The following DDAH1 variants were observed in gnomAD, a reference collection of about 807,000 sequenced individuals.
The protein encoded by DDAH1 is N(G),N(G)-dimethylarginine dimethylaminohydrolase 1.
Under a neutral mutation model 28.8 loss-of-function variants are expected in DDAH1, and 19 were observed. The ratio of observed to expected loss-of-function variants is 0.66; its 90% confidence interval spans 0.46 to 0.97. DDAH1 has a LOEUF of 0.97. Ranked by LOEUF, DDAH1 falls within the 50% of genes least tolerant of loss-of-function variation. The pLI, the probability that DDAH1 is intolerant of heterozygous loss-of-function variation, is 0.00. For missense variants in DDAH1, 326 were observed against 375.9 expected, an observed-to-expected ratio of 0.87 and a Z score of 1.10; for synonymous variants, 153 against 154.4, an observed-to-expected ratio of 0.99 and a Z score of 0.07.
intron 2 of DDAH1, among the ~76,000 whole-genome samples, chr1:85,483,343 G>A (rs72724665): frequency 0.011 from 1,614 of 152,046 alleles, 10 homozygotes; most frequent in Non-Finnish European, 0.016. Context: ...AGGATGTTAC[G>A]TTGTAAAGTC....
intron 2 of DDAH1, among the ~76,000 whole-genome samples, chr1:85,483,514 T>C (rs1656082984): frequency 6.6e-6 from 1 of 152,220 alleles, no homozygotes; most frequent in Non-Finnish European, 1.5e-5. Flanking sequence ...TATTTGATGC[T>C]AGATGTGACA....
intron 1 of DDAH1, among the ~76,000 whole-genome samples, chr1:85,414,775 G>C (rs1243693000): frequency 6.6e-6 from 1 of 152,034 alleles, no homozygotes; most frequent in African/African-American, 2.4e-5. Flanking sequence ...GTGGAGGAGA[G>C]ACTCAAAGAC....
At chr1:85,505,537 C>T (rs936118213) in intron 1 of DDAH1, among the ~76,000 whole-genome samples, 3 of 152,062 alleles carry the variant, frequency 2.0e-5, no homozygotes, top group South Asian at 4.1e-4. Context: ...ATTGATGTCC[C>T]GAGGAGAGAA....
At chr1:85,321,637 C>T in intron 5 of DDAH1, 69 bp from the exon 6 acceptor site, 3 of 1,237,258 alleles carry the variant, frequency 2.4e-6, no homozygotes, top group Non-Finnish European at 2.4e-6. Context: ...AGTGGAGAAT[C>T]AATTTGATTT....
At chr1:85,392,782 ACT>A (rs1203041445) in intron 1 of DDAH1, among the ~76,000 whole-genome samples, 1 of 130,698 alleles carries the variant, frequency 7.7e-6, no homozygotes, top group East Asian at 2.2e-4. Flanking sequence ...ACAGAGCAAG[ACT>A]CTGTCTAAAA....
chr1:85,400,623 G>A (rs1321748215), intron 1 of DDAH1, among the ~76,000 whole-genome samples: 3 of 152,000 alleles, frequency 2.0e-5, no homozygotes, highest in Admixed American at 6.6e-5. Flanking sequence ...ATATCATTAC[G>A]CACTGTCCAC....
At chr1:85,448,623 T>C (rs192930709) in intron 1 of DDAH1, among the ~76,000 whole-genome samples, 310 of 152,284 alleles carry the variant, frequency 2.0e-3, no homozygotes, top group Non-Finnish European at 3.2e-3. Flanking sequence ...TTCAGGACAC[T>C]CCAGTGACTC....
chr1:85,514,015 A>C (rs1242547336), intron 1 of DDAH1, among the ~76,000 whole-genome samples: 1 of 152,210 alleles, frequency 6.6e-6, no homozygotes, highest in Non-Finnish European at 1.5e-5. Flanking sequence ...ATATACCCAA[A>C]GGATTATAAA....
At position 85,321,974 on chromosome 1, in the gene DDAH1, C is replaced by T. The variant is rs575632088; in HGVS notation, c.742-406G>A. On this transcript the variant is annotated intron_variant, in intron 5 of 5. Transcript: ENST00000284031. ...TGTCGTCCAGGTTGGTGTACAGTGG[C>T]GCGACCATGGCTCACTGCAGCCTCA... Among the ~76,000 whole-genome samples the T allele has an allele frequency of 2.0e-4, 31 of 152,192 alleles. No homozygotes were observed. The East Asian group carries it at 3.5e-3, about 17-fold the overall frequency.
chr1:85,463,142 T>C (rs1405434276), intron 1 of DDAH1, among the ~76,000 whole-genome samples: 1 of 152,238 alleles, frequency 6.6e-6, no homozygotes, highest in East Asian at 1.9e-4. Context: ...ATGTGACTTC[T>C]GGCAGTGGGC....
At chr1:85,407,966 G>A (rs555302024) in intron 1 of DDAH1, among the ~76,000 whole-genome samples, 2 of 152,110 alleles carry the variant, frequency 1.3e-5, no homozygotes, top group African/African-American at 4.8e-5. Context: ...GGAAGACCAC[G>A]CATGTGGAAT....
In DDAH1 at chr1:85,396,457, T is replaced by C. The variant is rs1485765087; in HGVS notation, c.304-37610A>G. Among the ~76,000 whole-genome samples the C allele has an allele frequency of 6.6e-5, 10 of 152,020 alleles. No homozygotes were observed. The East Asian group carries it at 7.7e-4, about 12-fold the overall frequency. On this transcript the variant is annotated intron_variant, in intron 1 of 5. Coordinates refer to ENST00000284031, the MANE Select transcript of DDAH1 (RefSeq NM_012137.4). ...AACAACCAGCTCTCACAGGAACTAA[T>C]AGAATGGAAACTCACTCATCGCAAA...
intron 1 of DDAH1, among the ~76,000 whole-genome samples, chr1:85,547,424 G>A (rs1309742610): frequency 6.6e-6 from 1 of 152,212 alleles, no homozygotes; most frequent in African/African-American, 2.4e-5. Flanking sequence ...GTCTGGAAAT[G>A]TAAATTAGAA....
intron 1 of DDAH1, among the ~76,000 whole-genome samples, chr1:85,543,549 G>A (rs1047000903): frequency 5.3e-5 from 8 of 152,136 alleles, no homozygotes; most frequent in Non-Finnish European, 1.0e-4. Flanking sequence ...TTCCGCAATG[G>A]TTTAGACAGG....
At position 85,465,117 on chromosome 1, in the gene DDAH1, G is replaced by A; in HGVS notation, c.-72C>T. 8.5e-7 allele frequency: 1 copy of A among 1,178,752 alleles called. No homozygotes were observed. The highest frequency in any genetic ancestry group is 4.2e-5 in the South Asian group (1 of 23,966). 73.0% of individuals were successfully genotyped at this position (1,178,752 alleles called of 1,614,324 possible). On this transcript the variant is annotated 5_prime_UTR_variant, in exon 1 of 6. Transcript: ENST00000284031. ...TCCTGCCGCGGGCAGCGCGCGCTGA[G>A]CCTGCGAGCGCCCGTCGGCTCCTCT...
intron 1 of DDAH1, among the ~76,000 whole-genome samples, chr1:85,561,289 A>G (rs1438325157): frequency 1.3e-5 from 2 of 152,184 alleles, no homozygotes; most frequent in Non-Finnish European, 2.9e-5. Flanking sequence ...CCAGGAAAAT[A>G]GCAAGTACTA....
chr1:85,386,219 C>T (rs1344273764), intron 1 of DDAH1, among the ~76,000 whole-genome samples: 1 of 152,102 alleles, frequency 6.6e-6, no homozygotes, highest in Non-Finnish European at 1.5e-5. Flanking sequence ...TAGCTTGTTC[C>T]AGCATCAACT....
rs1440191904 is a variant in DDAH1 at position 85,321,379 on chromosome 1, A to C, written c.*73T>G. The C allele has an allele frequency of 7.5e-6, 7 of 929,606 alleles. No homozygotes were observed. Among genetic ancestry groups the C allele is most frequent in the Non-Finnish European group, 1.2e-5 (7 of 572,158 alleles). The allele number at this position is 929,606 out of a possible 1,614,324, so 57.6% of individuals were successfully genotyped here. ...GTGGCACAGTAGATTGTCAAGGAAA[A>C]CAACAGGAGTGGGCACAGAGTCATC... On this transcript the variant is annotated 3_prime_UTR_variant, in exon 6 of 6. Coordinates refer to ENST00000284031, the MANE Select transcript of DDAH1 (RefSeq NM_012137.4).
chr1:85,424,018 C>T (rs978777094), intron 1 of DDAH1, among the ~76,000 whole-genome samples: 2 of 152,126 alleles, frequency 1.3e-5, no homozygotes, highest in Non-Finnish European at 2.9e-5. Flanking sequence ...TGGTGGATTA[C>T]ACTGGTTTTC....
Sources: allele counts gnomAD v4.1 joint callset (sites outside exome capture counted in the v4.1 genomes callset), GRCh38; gene constraint gnomAD v4.1.1; transcripts MANE v1.5; gene names NCBI Gene and HGNC (gene_info 2026-07-23, HGNC 2026-07-21).